Variants in WBP2NL observed in about 807,000 individuals in gnomAD.
The protein encoded by WBP2NL is postacrosomal sheath WW domain-binding protein.
A neutral mutation model predicts 23.3 loss-of-function variants in WBP2NL; 27 were observed. That is an observed-to-expected ratio of 1.16 (90% CI 0.85 to 1.60). The LOEUF is 1.60. Among genes scored for constraint, WBP2NL ranks in the 40% most tolerant of loss-of-function variants. The pLI is 0.00. For missense variants in WBP2NL, 370 were observed against 389.5 expected, an observed-to-expected ratio of 0.95 and a Z score of 0.42; for synonymous variants, 151 against 145.9, an observed-to-expected ratio of 1.03 and a Z score of -0.25.
In WBP2NL at chr22:42,019,778, G is replaced by T. The variant is rs755906245; in HGVS notation, c.288G>T (p.Lys96Asn). 1.2e-6 allele frequency: 2 copies of T among 1,614,064 alleles called. No homozygotes were observed. Among genetic ancestry groups the T allele is most frequent in the African/African-American group, 1.3e-5 (1 of 74,930 alleles). The part of the protein sequence containing the change: ...EQPVFAANFI[K>N]GTIQAAPYGG... ...CAGTATTTGCTGCAAACTTCATTAA[G>T]GGAACTATTCAGGCAGCTCCATATG... Residue 96 changes from lysine to asparagine, a missense_variant, in exon 3 of 6, where the codon AAG becomes AAT. Transcript: ENST00000328823.
At position 42,000,688 on chromosome 22, in the gene WBP2NL, G is replaced by A. The variant is rs568697738; in HGVS notation, c.62+1808G>A. Among the ~76,000 whole-genome samples, 125 of 152,158 alleles carry A rather than the reference G, an allele frequency of 8.2e-4. 1 individual carries two copies. The highest frequency in any genetic ancestry group is 3.0e-3 in the African/African-American group (124 of 41,538). On this transcript the variant is annotated intron_variant, in intron 1 of 5. Coordinates refer to ENST00000328823, the MANE Select transcript of WBP2NL (RefSeq NM_152613.3). Reference sequence around the variant, plus strand: ...CCACGCCTGTAATCCCAGCACTTTGGGAGGCCCAGGTGGGTGGATCACAAG... The same window carrying A: ...CCACGCCTGTAATCCCAGCACTTTGAGAGGCCCAGGTGGGTGGATCACAAG...
chr22:42,057,956 A>G (rs12165638), intron 8 of WBP2NL, among the ~76,000 whole-genome samples: 6,992 of 103,618 alleles, frequency 0.067, 804 homozygotes, highest in African/African-American at 0.25. Context: ...TGGCTCTGTC[A>G]CCCAGGCTGG....
Position 42,056,039 on chromosome 22 carries a change from TAAG to T in WBP2NL, c.*274-2250_*274-2248del, listed in dbSNP as rs768753559. Among the ~76,000 whole-genome samples the T allele has an allele frequency of 2.6e-5, 4 of 152,218 alleles. No homozygotes were observed. The East Asian group carries it at 5.8e-4, about 22-fold the overall frequency. On this transcript the variant is annotated intron_variant and NMD_transcript_variant, in intron 8 of 8. Coordinates refer to the WBP2NL transcript ENST00000436265. The stretch of plus-strand genomic sequence containing the variant: ...TAATCCATTTACATGTAATTATTGA[TAAG>T]GTTTATACATTTGTCATTTTACTAT...
chr22:42,053,043 T>G (rs1315169372), intron 8 of WBP2NL, among the ~76,000 whole-genome samples: 1 of 152,248 alleles, frequency 6.6e-6, no homozygotes, highest in Non-Finnish European at 1.5e-5. Context: ...ACTTTTTGTC[T>G]CTGTAGGTTT....
At chr22:42,033,625 T>A (rs1925073224), downstream of WBP2NL, among the ~76,000 whole-genome samples, 1 of 151,726 alleles carries the variant, frequency 6.6e-6, no homozygotes, top group Non-Finnish European at 1.5e-5. Flanking sequence ...GTAGCTCCTA[T>A]CTGCAGGCAG....
chr22:42,040,454 C>T (rs1730727744), intron 8 of WBP2NL, among the ~76,000 whole-genome samples: 1 of 152,104 alleles, frequency 6.6e-6, no homozygotes, highest in African/African-American at 2.4e-5. Context: ...AACTCCTGAC[C>T]TCAAGTGATC....
rs133335 is a variant in WBP2NL, at chr22:42,020,052, A to G, written c.362A>G (p.Asp121Gly). 0.49 allele frequency: 785,507 copies of G among 1,612,922 alleles called. 195,639 individuals carry two copies. Among genetic ancestry groups the G allele is most frequent in the East Asian group, 0.85 (38,351 of 44,870 alleles). Residue 121 changes from aspartate to glycine, a missense_variant, in exon 4 of 6, where the codon GAT (aspartate) becomes GGT (glycine). Coordinates refer to ENST00000328823, the MANE Select transcript of WBP2NL (RefSeq NM_152613.3). ...TTTAAATTAGTCTTCAGAAATGGAG[A>G]TGCCATTGAATTTGCCCAGTTGATG... is the stretch of plus-strand genomic sequence containing the variant. ...ATFKLVFRNG[D>G]AIEFAQLMVK...
In WBP2NL at chr22:42,044,265, C is replaced by G. The variant is rs115494428; in HGVS notation, c.*273+13442C>G. On this transcript the variant is annotated intron_variant and NMD_transcript_variant, in intron 8 of 8. Transcript: ENST00000436265. ...TTTTTTTTATCTCTACAGACAAGGT[C>G]TCATTATGTTGACTAGGCTGGTCTT... 4.3e-3 allele frequency among the ~76,000 whole-genome samples: 658 copies of G among 151,850 alleles called. 2 individuals carry two copies. Among genetic ancestry groups the G allele is most frequent in the African/African-American group, 0.015 (622 of 41,406 alleles).
chr22:42,013,208 A>G (rs897149641), intron 1 of WBP2NL, among the ~76,000 whole-genome samples: 1 of 151,906 alleles, frequency 6.6e-6, no homozygotes, highest in Non-Finnish European at 1.5e-5. Flanking sequence ...CCCCATCTCT[A>G]CTAAAAATAC....
intron 1 of WBP2NL, among the ~76,000 whole-genome samples, chr22:42,004,994 A>C (rs960309700): frequency 2.0e-5 from 3 of 148,922 alleles, no homozygotes; most frequent in Non-Finnish European, 4.5e-5. Flanking sequence ...CAAGGTGGGC[A>C]GATCACAAAG....
chr22:42,027,281 C>T lies in WBP2NL; in HGVS notation c.*100C>T. 3 of 1,432,992 alleles carry T rather than the reference C, an allele frequency of 2.1e-6. No homozygotes were observed. The highest frequency in any genetic ancestry group is 2.8e-6 in the Non-Finnish European group (3 of 1,080,088). The allele number at this position is 1,432,992 out of a possible 1,614,324, so 88.8% of individuals were successfully genotyped here. On this transcript the variant is annotated 3_prime_UTR_variant, in exon 6 of 6. Coordinates refer to ENST00000328823, the MANE Select transcript of WBP2NL (RefSeq NM_152613.3). ...GACTCAGGTATGTGATCACAGGCTTCTCGCAGGTAGTTGTTCCACCCTTTG... is the reference window on the plus strand; with the variant it reads ...GACTCAGGTATGTGATCACAGGCTTTTCGCAGGTAGTTGTTCCACCCTTTG...
chr22:42,041,910 ACTAT>A (rs1299921405), intron 8 of WBP2NL, among the ~76,000 whole-genome samples: 1 of 152,196 alleles, frequency 6.6e-6, no homozygotes, highest in Non-Finnish European at 1.5e-5. Flanking sequence ...TGTGGGAAAG[ACTAT>A]CTCTCTTTCA....
chr22:42,058,203 A>G (rs11703063), intron 8 of WBP2NL: 1 of 151,714 alleles, frequency 6.6e-6, no homozygotes, highest in African/African-American at 2.4e-5. Context: ...GGCATGAGTC[A>G]CCGCGCCCGG....
chr22:42,009,432 T>A (rs1206575270), intron 1 of WBP2NL, among the ~76,000 whole-genome samples: 2 of 152,184 alleles, frequency 1.3e-5, no homozygotes, highest in Admixed American at 6.6e-5. Flanking sequence ...TTCTAGGAGT[T>A]TTATAGTTTT....
At chr22:42,008,522 A>G (rs1317139340) in intron 1 of WBP2NL, among the ~76,000 whole-genome samples, 1 of 151,808 alleles carries the variant, frequency 6.6e-6, no homozygotes, top group Non-Finnish European at 1.5e-5. Context: ...GGTTTTTTAA[A>G]TATTAACCAT....
chr22:42,043,047 A>C (rs1012844439), intron 8 of WBP2NL, among the ~76,000 whole-genome samples: 11 of 150,652 alleles, frequency 7.3e-5, no homozygotes, highest in South Asian at 2.1e-4. Context: ...AAAGGAGAAG[A>C]AGCAATCCAT....
intron 1 of WBP2NL, among the ~76,000 whole-genome samples, chr22:42,004,516 C>A (rs1922019916): frequency 6.6e-6 from 1 of 152,048 alleles, no homozygotes; most frequent in African/African-American, 2.4e-5. Flanking sequence ...ATCACTTGAA[C>A]CTGGGAGGTG....
At chr22:41,999,506 G>A (rs1212678205) in intron 1 of WBP2NL, among the ~76,000 whole-genome samples, 1 of 152,190 alleles carries the variant, frequency 6.6e-6, no homozygotes, top group East Asian at 1.9e-4. Flanking sequence ...ATTGAGGCCA[G>A]GTGCAGTGGC....
At chr22:42,005,909 TCAAAG>T (rs1476471712) in intron 1 of WBP2NL, among the ~76,000 whole-genome samples, 1 of 152,170 alleles carries the variant, frequency 6.6e-6, no homozygotes, top group Non-Finnish European at 1.5e-5. Flanking sequence ...AGTGGTCCAC[TCAAAG>T]CAAAAGTGAA....
Sources: allele counts gnomAD v4.1 joint callset (sites outside exome capture counted in the v4.1 genomes callset), GRCh38; gene constraint gnomAD v4.1.1; transcripts MANE v1.5; gene names NCBI Gene and HGNC (gene_info 2026-07-23, HGNC 2026-07-21).